The following SPAG17 variants were observed in gnomAD, a reference collection of about 807,000 sequenced individuals.
SPAG17 encodes sperm associated antigen 17.
A neutral mutation model predicts 273.6 loss-of-function variants in SPAG17; 169 were observed. The ratio of observed to expected loss-of-function variants is 0.62; its 90% CI spans 0.55 to 0.70. The LOEUF (loss-of-function observed/expected upper bound fraction) is 0.70. Among genes scored for constraint, SPAG17 ranks in the 30% least tolerant of loss-of-function variants. The probability of loss-of-function intolerance (pLI) is 0.00; values close to 1 mark genes in which losing one functional copy is unlikely to be tolerated. For missense variants in SPAG17, 2,557 were observed against 2,627.8 expected (o/e 0.97, Z 0.59); for synonymous variants, 825 against 873.2 (o/e 0.94, Z 0.97).
At chr1:118,003,082 T>C (rs1658488571) in intron 32 of SPAG17, among the ~76,000 whole-genome samples, 1 of 152,242 alleles carries the variant, frequency 6.6e-6, no homozygotes, top group Non-Finnish European at 1.5e-5. Context: ...CCTTCACTTA[T>C]GAAGCTTAGT....
chr1:118,183,449 G>A (rs1047933743), intron 1 of SPAG17, among the ~76,000 whole-genome samples: 1 of 152,110 alleles, frequency 6.6e-6, no homozygotes, highest in African/African-American at 2.4e-5. Context: ...AGAGGAGGTG[G>A]AGGGTAGTTG....
intron 28 of SPAG17, among the ~76,000 whole-genome samples, chr1:118,020,271 C>A (rs12028795): frequency 0.076 from 11,506 of 151,730 alleles, 635 homozygotes; most frequent in East Asian, 0.31. Flanking sequence ...ATACAAAACA[C>A]AACAAAACAA....
chr1:118,166,663 T>C (rs887461516), intron 1 of SPAG17, among the ~76,000 whole-genome samples: 6 of 152,184 alleles, frequency 3.9e-5, no homozygotes, highest in African/African-American at 1.2e-4. Flanking sequence ...ATACTTATCA[T>C]TGAAACCATT....
At chr1:118,013,156 A>G (rs1052729127) in intron 29 of SPAG17, among the ~76,000 whole-genome samples, 7 of 152,218 alleles carry the variant, frequency 4.6e-5, no homozygotes, top group African/African-American at 1.7e-4. Flanking sequence ...CAACTGCAGT[A>G]CTGTAAATTG....
intron 26 of SPAG17, among the ~76,000 whole-genome samples, chr1:118,026,121 C>T (rs1006830962): frequency 6.6e-6 from 1 of 152,074 alleles, no homozygotes; most frequent in Non-Finnish European, 1.5e-5. Context: ...GCCCATAGCC[C>T]CAGGGGAAGT....
At chr1:118,147,870 T>C (rs559771418) in intron 3 of SPAG17, among the ~76,000 whole-genome samples, 1 of 152,364 alleles carries the variant, frequency 6.6e-6, no homozygotes, top group South Asian at 2.1e-4. Flanking sequence ...TGAAGTATAC[T>C]ATACAGAAGT....
intron 43 of SPAG17, among the ~76,000 whole-genome samples, chr1:117,978,731 A>G (rs1557859526): frequency 6.6e-6 from 1 of 152,034 alleles, no homozygotes; most frequent in Non-Finnish European, 1.5e-5. Context: ...AGTGATCTTC[A>G]TCTTGTTCAA....
intron 20 of SPAG17, among the ~76,000 whole-genome samples, chr1:118,051,333 C>T (rs567393129): frequency 3.9e-5 from 6 of 152,136 alleles, no homozygotes; most frequent in East Asian, 1.9e-4. Flanking sequence ...AGCAGTATGG[C>T]GGCTTCTCAA....
chr1:118,057,118 A>AG (rs1651786881), intron 18 of SPAG17, among the ~76,000 whole-genome samples: 1 of 152,064 alleles, frequency 6.6e-6, no homozygotes. Context: ...CTGGGATTAC[A>AG]GGTGCCTGCC....
At chr1:117,998,838 TTTA>T (rs982003278) in intron 32 of SPAG17, among the ~76,000 whole-genome samples, 3 of 151,894 alleles carry the variant, frequency 2.0e-5, no homozygotes, top group Admixed American at 6.6e-5. Context: ...ATTGTGTTCT[TTTA>T]TTATTATTAT....
At chr1:118,142,325 G>A (rs1361456629) in intron 3 of SPAG17, among the ~76,000 whole-genome samples, 1 of 152,256 alleles carries the variant, frequency 6.6e-6, no homozygotes, top group Non-Finnish European at 1.5e-5. Context: ...CAGGGTGCAG[G>A]AGAAATCAGC....
intron 40 of SPAG17, among the ~76,000 whole-genome samples, chr1:117,987,229 G>A (rs1193843928): frequency 2.0e-5 from 3 of 152,092 alleles, no homozygotes; most frequent in Non-Finnish European, 2.9e-5. Context: ...ACCTTGTATA[G>A]GGGAGGTGAC....
chr1:118,106,908 AG>A (rs1656435099), intron 4 of SPAG17, among the ~76,000 whole-genome samples: 1 of 152,114 alleles, frequency 6.6e-6, no homozygotes, highest in Admixed American at 6.5e-5. Context: ...ATTTTAGCAA[AG>A]ACTGGAGTTC....
chr1:118,020,055 C>T (rs953424752), intron 28 of SPAG17, among the ~76,000 whole-genome samples: 2 of 151,994 alleles, frequency 1.3e-5, no homozygotes, highest in Admixed American at 6.6e-5. Flanking sequence ...AAAGTTATAC[C>T]GGTAAGGTAT....
intron 4 of SPAG17, among the ~76,000 whole-genome samples, chr1:118,103,817 C>T (rs540873597): frequency 7.7e-6 from 1 of 130,500 alleles, no homozygotes; most frequent in Non-Finnish European, 1.7e-5. Context: ...AAGAGTCATA[C>T]ACATGAGAAG....
Position 117,992,205 on chromosome 1 carries a change from G to A in SPAG17, c.5361+261C>T, listed in dbSNP as rs145680890. ...TATCAGTTTTCTATACAGTGACAAAGATGGAGGGCACTATATAGTAATCAT... is the reference window on the plus strand; with the variant it reads ...TATCAGTTTTCTATACAGTGACAAAAATGGAGGGCACTATATAGTAATCAT... On this transcript the variant is annotated intron_variant, in intron 36 of 48. Coordinates refer to ENST00000336338, the MANE Select transcript of SPAG17 (RefSeq NM_206996.4). 2.8e-3 allele frequency among the ~76,000 whole-genome samples: 422 copies of A among 152,292 alleles called. 4 individuals carry two copies. The highest frequency in any genetic ancestry group is 9.7e-3 in the African/African-American group (404 of 41,560).
intron 1 of SPAG17, among the ~76,000 whole-genome samples, chr1:118,177,652 G>C (rs1481807830): frequency 1.3e-5 from 2 of 151,964 alleles, no homozygotes; most frequent in African/African-American, 4.8e-5. Flanking sequence ...TTTTTGAAAA[G>C]ATAAACAAAT....
intron 3 of SPAG17, among the ~76,000 whole-genome samples, chr1:118,148,128 C>T (rs1038994020): frequency 1.3e-5 from 2 of 152,140 alleles, no homozygotes; most frequent in African/African-American, 4.8e-5. Context: ...TCTTTTATCT[C>T]TTCTCCCACA....
intron 20 of SPAG17, 59 bp from the exon 21 acceptor site, chr1:118,042,101 T>C: frequency 6.4e-7 from 1 of 1,555,928 alleles, no homozygotes; most frequent in South Asian, 1.2e-5. Flanking sequence ...ATAGGTTCCA[T>C]TCAGGTTCAT....
Sources: allele counts gnomAD v4.1 joint callset (sites outside exome capture counted in the v4.1 genomes callset), GRCh38; gene constraint gnomAD v4.1.1; transcripts MANE v1.5; gene names NCBI Gene and HGNC (gene_info 2026-07-23, HGNC 2026-07-21).